GRIA1: variants seen among roughly 807,000 people sequenced by gnomAD.
GRIA1 encodes the protein glutamate ionotropic receptor AMPA type subunit 1.
Under a neutral mutation model 99.2 loss-of-function variants are expected in GRIA1, and 31 were observed. That is an observed-to-expected ratio of 0.31 (90% CI 0.23 to 0.42). The LOEUF is 0.42. Ranked by LOEUF, GRIA1 falls within the 10% of genes least tolerant of loss-of-function variation. The probability of loss-of-function intolerance (pLI) is 1.00; values close to 1 mark genes in which losing one functional copy is unlikely to be tolerated. For synonymous variants in GRIA1, 438 were observed against 432.4 expected (o/e 1.01, Z -0.16); for missense variants, 782 against 1,157.5 (o/e 0.68, Z 4.71).
intron 2 of GRIA1, among the ~76,000 whole-genome samples, chr5:153,585,058 T>C (rs1464590925): frequency 2.0e-5 from 3 of 152,178 alleles, no homozygotes; most frequent in African/African-American, 7.2e-5. Flanking sequence ...CCAGGAACAA[T>C]GAAGTAAGTA....
At chr5:153,592,752 G>A (rs994538905) in intron 2 of GRIA1, among the ~76,000 whole-genome samples, 1 of 152,124 alleles carries the variant, frequency 6.6e-6, no homozygotes, top group Non-Finnish European at 1.5e-5. Context: ...AGACTGGGTG[G>A]CTTAAACAAA....
intron 15 of GRIA1, among the ~76,000 whole-genome samples, chr5:153,804,198 G>C (rs1294061916): frequency 6.6e-6 from 1 of 152,150 alleles, no homozygotes; most frequent in Non-Finnish European, 1.5e-5. Context: ...CAGGGACCTA[G>C]GAACACCCCA....
chr5:153,675,986 A>G (rs1457454712), intron 6 of GRIA1, among the ~76,000 whole-genome samples: 1 of 151,570 alleles, frequency 6.6e-6, no homozygotes, highest in African/African-American at 2.4e-5. Flanking sequence ...CCTCCCAAGT[A>G]GCTGGGACTA....
At position 153,811,084 on chromosome 5, in the gene GRIA1, C is replaced by G. The variant is rs1367962573; in HGVS notation, c.2580C>G (p.Pro860=). 2 of 1,614,152 alleles carry G rather than the reference C, an allele frequency of 1.2e-6. No individual in the cohort carries two copies. Among genetic ancestry groups the G allele is most frequent in the Non-Finnish European group, 1.7e-6 (2 of 1,179,998 alleles). ...AAGCCATACGGACATCGACCCTCCC[C>G]CGCAACAGCGGGGCAGGAGCCAGCA... ...INEAIRTSTL[P]RNSGAGASSG... The change falls in exon 16 of 16, where the codon CCC becomes CCG. Residue 860 remains proline, a synonymous_variant. Transcript: ENST00000285900.
At chr5:153,684,092 C>T (rs1485847182) in intron 7 of GRIA1, among the ~76,000 whole-genome samples, 1 of 152,224 alleles carries the variant, frequency 6.6e-6, no homozygotes, top group Non-Finnish European at 1.5e-5. Context: ...AGACCTGCCT[C>T]TGCCACTGGT....
At chr5:153,566,162 G>C (rs924262475) in intron 2 of GRIA1, among the ~76,000 whole-genome samples, 2 of 151,972 alleles carry the variant, frequency 1.3e-5, no homozygotes, top group Non-Finnish European at 2.9e-5. Context: ...TTTCATTATA[G>C]TCATTCTGTG....
intron 2 of GRIA1, among the ~76,000 whole-genome samples, chr5:153,521,905 TA>T (rs1757182397): frequency 6.6e-6 from 1 of 152,246 alleles, no homozygotes; most frequent in African/African-American, 2.4e-5. Context: ...TATAGATATT[TA>T]AATATTTATT....
At chr5:153,679,776 T>A (rs947677882) in intron 7 of GRIA1, among the ~76,000 whole-genome samples, 10 of 152,186 alleles carry the variant, frequency 6.6e-5, no homozygotes, top group Admixed American at 6.5e-5. Context: ...GGTCACATAG[T>A]GGGAGAGAAC....
chr5:153,774,172 A>G (rs1561849284), intron 13 of GRIA1, among the ~76,000 whole-genome samples: 1 of 150,740 alleles, frequency 6.6e-6, no homozygotes. Context: ...TCAAACTCCA[A>G]AGAGTTATGG....
intron 13 of GRIA1, among the ~76,000 whole-genome samples, chr5:153,787,344 G>T (rs951123378): frequency 2.0e-5 from 3 of 152,112 alleles, no homozygotes; most frequent in Non-Finnish European, 2.9e-5. Context: ...AGGCATTAGA[G>T]GATTCTTTTT....
chr5:153,696,100 C>A (rs1758073840), intron 8 of GRIA1, among the ~76,000 whole-genome samples: 1 of 152,130 alleles, frequency 6.6e-6, no homozygotes, highest in Non-Finnish European at 1.5e-5. Context: ...ATGCAGGGGG[C>A]ACGTCCCTGG....
At chr5:153,551,088 AAGAGTCATGTAAGTGTT>A (rs1245338048) in intron 2 of GRIA1, among the ~76,000 whole-genome samples, 5 of 152,126 alleles carry the variant, frequency 3.3e-5, no homozygotes, top group Non-Finnish European at 7.4e-5. Flanking sequence ...TAACTGGCTC[AAGAGTCATGTAAGTGTT>A]GATTATGTTT....
Position 153,762,356 on chromosome 5 carries a change from T to C in GRIA1, c.1824-2078T>C, listed in dbSNP as rs765357004. On this transcript the variant is annotated intron_variant, in intron 11 of 15. Coordinates refer to ENST00000285900, the MANE Select transcript of GRIA1 (RefSeq NM_000827.4). ...GGAAAGAGGTACAGTTTAGAGGCCA[T>C]TGTGGTCATCCAGAGTTGGGAAAGC... Among the ~76,000 whole-genome samples, 3 of 152,172 alleles carry C rather than the reference T, an allele frequency of 2.0e-5. No homozygotes were observed. In the South Asian group the frequency reaches 6.2e-4, roughly 32 times the overall value.
At chr5:153,505,689 C>T (rs1016654363) in intron 2 of GRIA1, among the ~76,000 whole-genome samples, 1 of 152,238 alleles carries the variant, frequency 6.6e-6, no homozygotes, top group African/African-American at 2.4e-5. Context: ...GTGTTCCACA[C>T]TTTGCTAGGC....
intron 4 of GRIA1, among the ~76,000 whole-genome samples, chr5:153,652,673 A>G (rs1459146791): frequency 6.6e-6 from 1 of 152,188 alleles, no homozygotes; most frequent in Non-Finnish European, 1.5e-5. Context: ...GCATATTGAC[A>G]TTTTTTAAAA....
At chr5:153,500,605 TTACA>T (rs1561588628) in intron 2 of GRIA1, among the ~76,000 whole-genome samples, 3 of 105,328 alleles carry the variant, frequency 2.8e-5, no homozygotes, top group South Asian at 3.0e-4. Context: ...TCTCCCCCTC[TTACA>T]TACACACACA....
intron 13 of GRIA1, among the ~76,000 whole-genome samples, chr5:153,783,184 TC>T: frequency 6.6e-6 from 1 of 152,156 alleles, no homozygotes; most frequent in East Asian, 1.9e-4. Flanking sequence ...GTTCACGCAG[TC>T]CTTAGAATTG....
intron 1 of GRIA1, chr5:153,492,147 G>C: frequency 6.9e-7 from 1 of 1,451,780 alleles, no homozygotes; most frequent in Non-Finnish European, 9.1e-7. Context: ...GCTCTTTTGT[G>C]AGTGTGTGTT....
intron 11 of GRIA1, among the ~76,000 whole-genome samples, chr5:153,737,290 TAA>T (rs35443126): frequency 0.023 from 1,722 of 74,012 alleles, 37 homozygotes; most frequent in African/African-American, 0.074. Context: ...GCAACCCCGG[TAA>T]AAAAAAAAAA....
Sources: gnomAD v4.1 joint callset for allele counts (sites outside exome capture counted in the v4.1 genomes callset) on GRCh38, gnomAD v4.1.1 for gene constraint, MANE v1.5 for transcripts, NCBI Gene and HGNC (gene_info 2026-07-23, HGNC 2026-07-21) for gene names.